The following KCNH7 variants were observed in gnomAD, a reference collection of about 807,000 sequenced individuals.
The protein encoded by KCNH7 is voltage-gated inwardly rectifying potassium channel KCNH7.
Under a neutral mutation model 120.8 loss-of-function variants are expected in KCNH7, and 49 were observed. The observed-to-expected ratio is 0.41, with a 90% CI of 0.32 to 0.51. The LOEUF (loss-of-function observed/expected upper bound fraction) is 0.51. KCNH7 is among the 20% of genes least tolerant of loss of function. KCNH7 has a pLI of 0.38. For synonymous variants in KCNH7, 547 were observed against 516.1 expected, an observed-to-expected ratio of 1.06 and a Z score of -0.81; for missense variants, 1,097 against 1,446.6, an observed-to-expected ratio of 0.76 and a Z score of 3.92.
At chr2:162,674,228 T>A (rs1281461315) in intron 2 of KCNH7, among the ~76,000 whole-genome samples, 1 of 151,688 alleles carries the variant, frequency 6.6e-6, no homozygotes, top group Non-Finnish European at 1.5e-5. Flanking sequence ...GAGATAAAAG[T>A]GTTAGAGAAT....
intron 2 of KCNH7, among the ~76,000 whole-genome samples, chr2:162,649,517 A>G (rs1386605899): frequency 6.6e-6 from 1 of 152,208 alleles, no homozygotes; most frequent in African/African-American, 2.4e-5. Context: ...TTGCCTGTGT[A>G]TAATAGTACA....
intron 11 of KCNH7, among the ~76,000 whole-genome samples, chr2:162,396,167 T>C (rs1233767799): frequency 6.6e-6 from 1 of 151,776 alleles, no homozygotes; most frequent in Admixed American, 6.6e-5. Context: ...AACTTACATA[T>C]ATAATTATTT....
chr2:162,390,926 C>A (rs1686726318), intron 12 of KCNH7, among the ~76,000 whole-genome samples: 1 of 151,948 alleles, frequency 6.6e-6, no homozygotes, highest in South Asian at 2.1e-4. Flanking sequence ...AAAATTATAT[C>A]TTATTCAATG....
intron 2 of KCNH7, among the ~76,000 whole-genome samples, chr2:162,599,477 G>A (rs979033953): frequency 2.6e-5 from 4 of 151,768 alleles, no homozygotes; most frequent in African/African-American, 9.7e-5. Context: ...TTTTATTTGT[G>A]ACCTAAATTC....
At chr2:162,487,417 G>C (rs1690136302) in intron 6 of KCNH7, among the ~76,000 whole-genome samples, 1 of 152,048 alleles carries the variant, frequency 6.6e-6, no homozygotes, top group African/African-American at 2.4e-5. Context: ...ATGGAATGGA[G>C]TTTTTAAAAA....
chr2:162,462,151 C>A (rs1366568675), intron 6 of KCNH7, among the ~76,000 whole-genome samples: 1 of 151,864 alleles, frequency 6.6e-6, no homozygotes, highest in Non-Finnish European at 1.5e-5. Context: ...ATGTTTGCAC[C>A]ATTTACAGGT....
At chr2:162,701,507 C>T (rs920770659) in intron 2 of KCNH7, among the ~76,000 whole-genome samples, 2 of 151,912 alleles carry the variant, frequency 1.3e-5, no homozygotes, top group African/African-American at 2.4e-5. Flanking sequence ...ATTTTCAGTT[C>T]CAAGTGTACA....
chr2:162,712,535 T>G (rs1044170686), intron 2 of KCNH7, among the ~76,000 whole-genome samples: 8 of 152,286 alleles, frequency 5.3e-5, no homozygotes, highest in African/African-American at 1.9e-4. Context: ...CAGAATGGCT[T>G]AAAATAATGA....
intron 2 of KCNH7, among the ~76,000 whole-genome samples, chr2:162,585,597 G>T (rs921528110): frequency 6.6e-6 from 1 of 151,600 alleles, no homozygotes; most frequent in East Asian, 1.9e-4. Flanking sequence ...GATTGATAAA[G>T]CATTTCTAAA....
chr2:162,468,082 G>A (rs576104635), intron 6 of KCNH7, among the ~76,000 whole-genome samples: 2 of 152,300 alleles, frequency 1.3e-5, no homozygotes, highest in East Asian at 1.9e-4. Flanking sequence ...CTGTCAGAGT[G>A]TTCAGGTTTT....
intron 2 of KCNH7, among the ~76,000 whole-genome samples, chr2:162,716,255 C>T (rs1433124562): frequency 6.6e-6 from 1 of 152,024 alleles, no homozygotes; most frequent in Admixed American, 6.6e-5. Context: ...TTCATGGCTG[C>T]AGATCAGCAC....
chr2:162,410,847 A>T (rs1024681871), intron 9 of KCNH7, among the ~76,000 whole-genome samples: 34 of 152,130 alleles, frequency 2.2e-4, no homozygotes, highest in African/African-American at 8.2e-4. Context: ...CATATGAAAA[A>T]ATGTTTATCA....
At chr2:162,497,332 CTG>C (rs2105734250) in intron 6 of KCNH7, among the ~76,000 whole-genome samples, 1 of 152,182 alleles carries the variant, frequency 6.6e-6, no homozygotes, top group African/African-American at 2.4e-5. Context: ...TTTTCTGTAA[CTG>C]TGCAGCATAC....
rs1447107643 is a variant in KCNH7, at chr2:162,399,209, AAACCTACCGGCT to A, written c.2407+968_2407+979del. Among the ~76,000 whole-genome samples, 3 of 151,970 alleles carry A rather than the reference AAACCTACCGGCT, an allele frequency of 2.0e-5. No homozygotes were observed. The East Asian group carries it at 5.8e-4, about 30-fold the overall frequency. On this transcript the variant is annotated intron_variant, in intron 10 of 15. Transcript: ENST00000332142. ...CGTTATCATAGGGAGAGTGAGGCTT[AAACCTACCGGCT>A]ATGTGGTAGGAGAAAAGAAGAATTG...
chr2:162,707,332 A>G (rs16847175), intron 2 of KCNH7, among the ~76,000 whole-genome samples: 13,759 of 152,120 alleles, frequency 0.09, 1,939 homozygotes, highest in African/African-American at 0.3. Context: ...AAGCATTGAT[A>G]TCAGTTGGTA....
chr2:162,394,536 C>T (rs2105433304), intron 11 of KCNH7, 51 bp from the exon 12 acceptor site: 2 of 1,037,188 alleles, frequency 1.9e-6, no homozygotes, highest in East Asian at 4.8e-5. Context: ...AATTAGAACA[C>T]AATGTACTAT....
chr2:162,789,597 T>C (rs1305142543), intron 2 of KCNH7, among the ~76,000 whole-genome samples: 2 of 152,002 alleles, frequency 1.3e-5, no homozygotes, highest in African/African-American at 4.8e-5. Flanking sequence ...TCCAGGATCA[T>C]AGATTAGGCC....
intron 2 of KCNH7, among the ~76,000 whole-genome samples, chr2:162,711,898 A>G (rs1049379138): frequency 6.6e-6 from 1 of 152,144 alleles, no homozygotes; most frequent in Admixed American, 6.6e-5. Flanking sequence ...AAAAAATGCT[A>G]AGGGCAATAG....
chr2:162,825,469 ACATAAAATGT>A, intron 2 of KCNH7, among the ~76,000 whole-genome samples: 1 of 152,190 alleles, frequency 6.6e-6, no homozygotes, highest in African/African-American at 2.4e-5. Context: ...TTTATTGGAC[ACATAAAATGT>A]GCAGTTAAAT....
Sources: gnomAD v4.1 joint callset for allele counts (sites outside exome capture counted in the v4.1 genomes callset) on GRCh38, gnomAD v4.1.1 for gene constraint, MANE v1.5 for transcripts, NCBI Gene and HGNC (gene_info 2026-07-23, HGNC 2026-07-21) for gene names.